The following KDM2A variants were observed in gnomAD, a reference collection of about 807,000 sequenced individuals.
KDM2A encodes lysine demethylase 2A, also known as lysine-specific demethylase 2A.
Under a neutral mutation model 137.3 loss-of-function variants are expected in KDM2A, and 3 were observed. The ratio of observed to expected loss-of-function variants is 0.02; its 90% CI spans 0.01 to 0.06. The LOEUF is 0.06. KDM2A is among the 10% of genes least tolerant of loss of function. The pLI is 1.00. For missense variants in KDM2A, 738 were observed against 1,510.6 expected (o/e 0.49, Z 8.48); for synonymous variants, 512 against 541.5 (o/e 0.95, Z 0.76).
chr11:67,203,466 A>ATCTG (rs1219032459), intron 5 of KDM2A, among the ~76,000 whole-genome samples: 2 of 147,018 alleles, frequency 1.4e-5, no homozygotes, highest in African/African-American at 2.5e-5. Context: ...TTTATTAATT[A>ATCTG]TTAATAATTA....
intron 2 of KDM2A, among the ~76,000 whole-genome samples, chr11:67,161,268 A>T (rs778882605): frequency 1.3e-5 from 2 of 152,236 alleles, no homozygotes; most frequent in Non-Finnish European, 2.9e-5. Context: ...TGATGACAGC[A>T]TGATCATGGT....
At chr11:67,224,461 C>CTTTTTTTTTTTTTT (rs35180780) in intron 10 of KDM2A, among the ~76,000 whole-genome samples, 2 of 95,164 alleles carry the variant, frequency 2.1e-5, no homozygotes, top group African/African-American at 4.5e-5. Context: ...TAACCCCTTT[C>CTTTTTTTTTTTTTT]TTTTTTTTTT....
chr11:67,161,430 G>A (rs547645260), intron 2 of KDM2A, among the ~76,000 whole-genome samples: 1 of 152,232 alleles, frequency 6.6e-6, no homozygotes, highest in South Asian at 2.1e-4. Flanking sequence ...CAGTAGATTA[G>A]GAAAATTAGT....
At chr11:67,145,031 A>G (rs1334339228) in intron 2 of KDM2A, among the ~76,000 whole-genome samples, 1 of 150,636 alleles carries the variant, frequency 6.6e-6, no homozygotes, top group African/African-American at 2.4e-5. Context: ...CATCATGCCC[A>G]ACTACTTTTT....
intron 5 of KDM2A, among the ~76,000 whole-genome samples, chr11:67,204,726 C>T (rs980264412): frequency 6.6e-6 from 1 of 151,920 alleles, no homozygotes; most frequent in Non-Finnish European, 1.5e-5. Context: ...CTCCTGACCT[C>T]GTGATCCACC....
intron 5 of KDM2A, chr11:67,196,316 A>G (rs1239996836): frequency 4.4e-6 from 2 of 455,924 alleles, no homozygotes; most frequent in Non-Finnish European, 8.8e-6. Flanking sequence ...GGCCTATTAC[A>G]GTTTTAAGAG....
intron 2 of KDM2A, among the ~76,000 whole-genome samples, chr11:67,121,707 G>A (rs1855601471): frequency 6.6e-6 from 1 of 152,154 alleles, no homozygotes; most frequent in Non-Finnish European, 1.5e-5. Context: ...TATAAATTTT[G>A]GGGGCAAAGC....
chr11:67,126,489 CCT>C, intron 2 of KDM2A, among the ~76,000 whole-genome samples: 1 of 151,866 alleles, frequency 6.6e-6, no homozygotes, highest in Admixed American at 6.6e-5. Flanking sequence ...GGGTGGATCA[CCT>C]GAGGTCAGCA....
At chr11:67,179,646 C>T (rs906637606) in intron 2 of KDM2A, among the ~76,000 whole-genome samples, 1 of 152,158 alleles carries the variant, frequency 6.6e-6, no homozygotes, top group Non-Finnish European at 1.5e-5. Flanking sequence ...TCCATTCATT[C>T]AAATGTGTTT....
intron 2 of KDM2A, among the ~76,000 whole-genome samples, chr11:67,175,763 CAT>C (rs1250025348): frequency 2.0e-5 from 3 of 152,214 alleles, no homozygotes; most frequent in South Asian, 2.1e-4. Context: ...GGTTTGAAAA[CAT>C]GAGGGATTTT....
intron 5 of KDM2A, among the ~76,000 whole-genome samples, chr11:67,193,267 G>A (rs1216052500): frequency 6.6e-6 from 1 of 152,162 alleles, no homozygotes; most frequent in Non-Finnish European, 1.5e-5. Flanking sequence ...TGGGATTACA[G>A]GCGTGAGCCA....
chr11:67,121,323 C>A lies in KDM2A; in HGVS notation c.7C>A (p.Pro3Thr). 3 of 1,613,710 alleles carry A rather than the reference C, an allele frequency of 1.9e-6. No individual in the cohort carries two copies. Among genetic ancestry groups the A allele is most frequent in the Non-Finnish European group, 2.5e-6 (3 of 1,179,730 alleles). ME[P>T]EEERIRYSQR... The stretch of plus-strand genomic sequence containing the variant: ...TTCAACAGAAGAGTGAGAGATGGAA[C>A]CCGAAGAAGAAAGGATTCGTTACAG... Residue 3 changes from proline (P) to threonine (T), a missense_variant, in exon 2 of 21, where the codon CCC (proline) becomes ACC (threonine). By Grantham distance (38) the Pro-to-Thr change is conservative. Around this residue, in one of 9 missense-constraint regions of KDM2A, gnomAD observed 74 missense variants for 181.8 expected, o/e 0.41. Coordinates refer to ENST00000529006, the MANE Select transcript of KDM2A (RefSeq NM_012308.3).
At chr11:67,143,893 A>C (rs902331444) in intron 2 of KDM2A, among the ~76,000 whole-genome samples, 1 of 152,068 alleles carries the variant, frequency 6.6e-6, no homozygotes, top group Non-Finnish European at 1.5e-5. Context: ...CGGCCTCCCA[A>C]AGTGCTGGGT....
chr11:67,202,682 A>C (rs7124968), intron 5 of KDM2A, among the ~76,000 whole-genome samples: 1 of 151,662 alleles, frequency 6.6e-6, no homozygotes, highest in Admixed American at 6.6e-5. Flanking sequence ...AGGCTGAGGC[A>C]GGAGAATGGC....
At chr11:67,182,048 G>C (rs1195822691) in intron 5 of KDM2A, among the ~76,000 whole-genome samples, 156 bp downstream of exon 5, 7 of 152,228 alleles carry the variant, frequency 4.6e-5, no homozygotes, top group Non-Finnish European at 1.0e-4. Flanking sequence ...TTATCAAAGA[G>C]AGTTACAGAA....
In KDM2A at chr11:67,255,214, G is replaced by T. The variant is rs905311136; in HGVS notation, c.*159G>T. On this transcript the variant is annotated 3_prime_UTR_variant, in exon 21 of 21. Transcript: ENST00000529006. ...TTCCTCTACAGGTGGGGCAGAGAGGGTGGTGGACACCAGGCTTATCTGCCT... is the reference window on the plus strand; with the variant it reads ...TTCCTCTACAGGTGGGGCAGAGAGGTTGGTGGACACCAGGCTTATCTGCCT... 6.2e-6 allele frequency: 4 copies of T among 649,546 alleles called. No homozygotes were observed. In the South Asian group the frequency reaches 7.7e-5, roughly 12 times the overall value. The allele number at this position is 649,546 out of a possible 1,614,324, so 40.2% of individuals were successfully genotyped here. A position where few individuals can be genotyped will look rare whatever the true frequency, so the allele number is the denominator to read the frequency against.
Position 67,255,856 on chromosome 11 carries a change from C to T in KDM2A, c.*801C>T, listed in dbSNP as rs1043192817. 6 of 277,240 alleles carry T rather than the reference C, an allele frequency of 2.2e-5. No homozygotes were observed. Among genetic ancestry groups the T allele is most frequent in the Non-Finnish European group, 4.3e-5 (6 of 138,556 alleles). The allele number at this position is 277,240 out of a possible 1,614,324, so 17.2% of individuals were successfully genotyped here. ...TGAGACAGGCACCATCTCCTTGTTCCCCCTCTCTCTTTTGCCTCCCACTGA... is the reference window on the plus strand; with the variant it reads ...TGAGACAGGCACCATCTCCTTGTTCTCCCTCTCTCTTTTGCCTCCCACTGA... On this transcript the variant is annotated 3_prime_UTR_variant, in exon 21 of 21. Coordinates refer to ENST00000529006, the MANE Select transcript of KDM2A (RefSeq NM_012308.3).
At chr11:67,200,364 C>T (rs949209068) in intron 5 of KDM2A, among the ~76,000 whole-genome samples, 7 of 152,046 alleles carry the variant, frequency 4.6e-5, no homozygotes, top group South Asian at 2.1e-4. Context: ...TACAGGCGTC[C>T]GCCACCACGT....
chr11:67,248,183 ATGT>A, intron 15 of KDM2A, 95 bp from the exon 16 acceptor site: 9 of 878,186 alleles, frequency 1.0e-5, no homozygotes, highest in East Asian at 2.7e-5. Flanking sequence ...TTATGGACCA[ATGT>A]TGTTGAGAAA....
Sources: allele counts gnomAD v4.1 joint callset (sites outside exome capture counted in the v4.1 genomes callset), GRCh38; gene constraint gnomAD v4.1.1; regional missense constraint gnomAD v4.1.1; transcripts MANE v1.5; gene names NCBI Gene and HGNC (gene_info 2026-07-23, HGNC 2026-07-21).